AGBL4: variants seen among roughly 807,000 people sequenced by gnomAD.
AGBL4 encodes AGBL carboxypeptidase 4.
A neutral mutation model predicts 66.4 loss-of-function variants in AGBL4; 58 were observed. The ratio of observed to expected loss-of-function variants is 0.87; its 90% CI spans 0.71 to 1.09. The LOEUF (loss-of-function observed/expected upper bound fraction) is 1.09, where lower values mean the gene tolerates loss of function less well. AGBL4 is among the 50% of genes least tolerant of loss of function. The probability of loss-of-function intolerance (pLI) is 0.00; values close to 1 mark genes in which losing one functional copy is unlikely to be tolerated. For synonymous variants in AGBL4, 234 were observed against 222.9 expected (o/e 1.05, Z -0.44); for missense variants, 579 against 631.0 (o/e 0.92, Z 0.88).
intron 3 of AGBL4, among the ~76,000 whole-genome samples, chr1:49,523,404 G>A (rs991660633): frequency 1.3e-5 from 2 of 152,056 alleles, no homozygotes; most frequent in Admixed American, 6.6e-5. Flanking sequence ...ACACAGCGCA[G>A]AGTCATAAGG....
chr1:49,567,976 A>G (rs1644247327), intron 3 of AGBL4, among the ~76,000 whole-genome samples: 1 of 152,224 alleles, frequency 6.6e-6, no homozygotes, highest in African/African-American at 2.4e-5. Flanking sequence ...CAAAATAATA[A>G]GAGCCATATA....
At chr1:48,639,993 C>T (rs1645729139) in intron 8 of AGBL4, among the ~76,000 whole-genome samples, 1 of 152,168 alleles carries the variant, frequency 6.6e-6, no homozygotes, top group African/African-American at 2.4e-5. Context: ...CTATGACTGC[C>T]AGTTTAGAGT....
Position 49,959,015 on chromosome 1 carries a change from TA to T in AGBL4, c.34+64747del, listed in dbSNP as rs558858713. Among the ~76,000 whole-genome samples the T allele has an allele frequency of 4.9e-3, 629 of 129,430 alleles. 2 individuals carry two copies. The highest frequency in any genetic ancestry group is 0.018 in the South Asian group (76 of 4,124). The allele number at this position is 129,430 out of a possible 152,430, so 84.9% of individuals were successfully genotyped here. A position where few individuals can be genotyped will look rare whatever the true frequency, so the allele number is the denominator to read the frequency against. On this transcript the variant is annotated intron_variant, in intron 1 of 13. Coordinates refer to ENST00000371839, the MANE Select transcript of AGBL4 (RefSeq NM_032785.4). ...GTCAAACATCAAAAGCAGCCCAAGA[TA>T]AAAAAAAAAAAATAGAATCAAAATT...
intron 2 of AGBL4, among the ~76,000 whole-genome samples, chr1:49,833,069 G>C (rs887715544): frequency 5.3e-5 from 8 of 151,936 alleles, no homozygotes; most frequent in South Asian, 2.1e-4. Context: ...GTCCTTGCCC[G>C]TGCCTATGTC....
In AGBL4 at chr1:48,958,458, A is replaced by G. The variant is rs183093883; in HGVS notation, c.594+87126T>C. On this transcript the variant is annotated intron_variant, in intron 5 of 13. Coordinates refer to ENST00000371839, the MANE Select transcript of AGBL4 (RefSeq NM_032785.4). ...TAGATCATCTGAATGAGTTACAGCCAATGCAATATGAGTAGAAGTGATGTA... is the reference window on the plus strand; with the variant it reads ...TAGATCATCTGAATGAGTTACAGCCGATGCAATATGAGTAGAAGTGATGTA... 5.4e-4 allele frequency among the ~76,000 whole-genome samples: 82 copies of G among 152,358 alleles called. No homozygotes were observed. The East Asian group carries it at 0.012, about 23-fold the overall frequency.
chr1:49,241,732 G>A (rs1355702517), intron 4 of AGBL4, among the ~76,000 whole-genome samples: 3 of 151,910 alleles, frequency 2.0e-5, no homozygotes, highest in African/African-American at 7.2e-5. Flanking sequence ...AGAAAAAGAA[G>A]AAATAATACT....
At chr1:48,550,782 C>T (rs981641796) in intron 11 of AGBL4, among the ~76,000 whole-genome samples, 1 of 151,704 alleles carries the variant, frequency 6.6e-6, no homozygotes, top group African/African-American at 2.4e-5. Context: ...GCTCCACCAA[C>T]TCCACCCCAC....
chr1:48,934,745 C>T (rs1165803492), intron 5 of AGBL4, among the ~76,000 whole-genome samples: 2 of 152,180 alleles, frequency 1.3e-5, no homozygotes, highest in African/African-American at 4.8e-5. Context: ...CATTCCCCTC[C>T]TTTCTATTCC....
At chr1:48,972,295 C>T (rs1292161728) in intron 5 of AGBL4, among the ~76,000 whole-genome samples, 1 of 152,090 alleles carries the variant, frequency 6.6e-6, no homozygotes, top group Non-Finnish European at 1.5e-5. Context: ...CGTATCTTCT[C>T]ATACAGTAAT....
chr1:49,900,782 T>A (rs1428851155), intron 1 of AGBL4, among the ~76,000 whole-genome samples: 1 of 152,226 alleles, frequency 6.6e-6, no homozygotes, highest in East Asian at 1.9e-4. Context: ...TAACATTCTA[T>A]CGCAGAGACA....
chr1:49,349,159 G>A (rs1239845187), intron 3 of AGBL4, among the ~76,000 whole-genome samples: 1 of 152,010 alleles, frequency 6.6e-6, no homozygotes, highest in Non-Finnish European at 1.5e-5. Context: ...AAACTGTTTT[G>A]ACCTCCTGCC....
intron 6 of AGBL4, among the ~76,000 whole-genome samples, chr1:48,665,486 A>C (rs1376455107): frequency 6.6e-6 from 1 of 152,178 alleles, no homozygotes; most frequent in African/African-American, 2.4e-5. Context: ...AATCTTTATC[A>C]TGCCTCTGTG....
At chr1:49,983,081 T>C (rs1224661576) in intron 1 of AGBL4, among the ~76,000 whole-genome samples, 1 of 152,190 alleles carries the variant, frequency 6.6e-6, no homozygotes, top group Non-Finnish European at 1.5e-5. Context: ...TCATTCTTCC[T>C]GGACATGGGA....
intron 3 of AGBL4, among the ~76,000 whole-genome samples, chr1:49,667,633 C>T (rs1434594988): frequency 6.6e-6 from 1 of 152,040 alleles, no homozygotes; most frequent in Non-Finnish European, 1.5e-5. Context: ...AATATCTGCA[C>T]AAGGCTTCAA....
At chr1:48,854,625 G>A (rs1056829424) in intron 6 of AGBL4, among the ~76,000 whole-genome samples, 1 of 152,094 alleles carries the variant, frequency 6.6e-6, no homozygotes, top group African/African-American at 2.4e-5. Flanking sequence ...AGTAATGCCA[G>A]GCCCCAGTTT....
chr1:49,954,790 A>T (rs1001652920), intron 1 of AGBL4, among the ~76,000 whole-genome samples: 1 of 151,870 alleles, frequency 6.6e-6, no homozygotes, highest in Non-Finnish European at 1.5e-5. Flanking sequence ...ATCTCAAACT[A>T]TGAGGCATTT....
chr1:49,624,870 G>A (rs539275374), intron 3 of AGBL4, among the ~76,000 whole-genome samples: 68 of 152,262 alleles, frequency 4.5e-4, no homozygotes, highest in Admixed American at 2.2e-3. Context: ...TTTCTTTAAT[G>A]TATACATAAG....
intron 1 of AGBL4, among the ~76,000 whole-genome samples, chr1:50,014,878 T>C (rs1661860035): frequency 1.3e-5 from 2 of 152,188 alleles, no homozygotes; most frequent in African/African-American, 4.8e-5. Context: ...TCATTTCAAA[T>C]TTTTGTGTGC....
intron 2 of AGBL4, among the ~76,000 whole-genome samples, chr1:49,778,164 G>A (rs1644244848): frequency 6.6e-6 from 1 of 152,174 alleles, no homozygotes; most frequent in Non-Finnish European, 1.5e-5. Context: ...ACTCAAGGCA[G>A]AGAATGCTGA....
Sources: allele counts gnomAD v4.1 joint callset (sites outside exome capture counted in the v4.1 genomes callset), GRCh38; gene constraint gnomAD v4.1.1; transcripts MANE v1.5; gene names NCBI Gene and HGNC (gene_info 2026-07-23, HGNC 2026-07-21).